PLD5: variants seen among roughly 807,000 people sequenced by gnomAD.
The protein encoded by PLD5 is phospholipase D family member 5.
Under a neutral mutation model 61.1 loss-of-function variants are expected in PLD5, and 36 were observed. The observed-to-expected ratio is 0.59, with a 90% CI of 0.45 to 0.78. The LOEUF (loss-of-function observed/expected upper bound fraction) is 0.78. PLD5 is among the 30% of genes least tolerant of loss of function. PLD5 has a pLI of 0.00. For missense variants in PLD5, 515 were observed against 644.4 expected, an observed-to-expected ratio of 0.80 and a Z score of 2.17; for synonymous variants, 243 against 242.8, an observed-to-expected ratio of 1.00 and a Z score of -0.01.
chr1:242,174,670 T>A (rs1367975426), intron 5 of PLD5, among the ~76,000 whole-genome samples: 5 of 152,050 alleles, frequency 3.3e-5, no homozygotes, highest in African/African-American at 1.2e-4. Flanking sequence ...CAATGATAGA[T>A]TGGATTAAGA....
At chr1:242,157,545 G>A (rs1043821653) in intron 5 of PLD5, among the ~76,000 whole-genome samples, 2 of 152,090 alleles carry the variant, frequency 1.3e-5, no homozygotes, top group Admixed American at 6.6e-5. Context: ...TCTCTGAGTG[G>A]ACATGCTATT....
chr1:242,201,170 C>T lies in PLD5; in HGVS notation c.735+18818G>A, dbSNP rs149841203. 5.0e-4 allele frequency among the ~76,000 whole-genome samples: 76 copies of T among 152,166 alleles called. No homozygotes were observed. In the East Asian group the frequency reaches 0.013, roughly 26 times the overall value. The stretch of plus-strand genomic sequence containing the variant: ...GGGCTAAATTTCCATATACAGTTTG[C>T]GGAGGGAATTAAAGCTCCAGAAGAG... On this transcript the variant is annotated intron_variant, in intron 5 of 9. Coordinates refer to ENST00000536534, the MANE Select transcript of PLD5 (RefSeq NM_001372062.1).
At chr1:242,423,571 G>T (rs1665259541) in intron 1 of PLD5, among the ~76,000 whole-genome samples, 1 of 152,142 alleles carries the variant, frequency 6.6e-6, no homozygotes, top group Non-Finnish European at 1.5e-5. Context: ...AAGCGCTGAG[G>T]TAGGAGGATC....
chr1:242,154,930 C>T lies in PLD5; in HGVS notation c.736-30265G>A, dbSNP rs1665234048. ...GTTTCAGAAGGAATGGTACCAGCTC[C>T]TCTTTTTACCTCTGGTAGAATTCAC... On this transcript the variant is annotated intron_variant, in intron 5 of 9. Coordinates refer to ENST00000536534, the MANE Select transcript of PLD5 (RefSeq NM_001372062.1). Among the ~76,000 whole-genome samples, 2 of 152,228 alleles carry T rather than the reference C, an allele frequency of 1.3e-5. 1 individual carries two copies. Among genetic ancestry groups the T allele is most frequent in the South Asian group, 4.2e-4 (2 of 4,818 alleles).
intron 1 of PLD5, among the ~76,000 whole-genome samples, chr1:242,354,161 C>T (rs542330162): frequency 2.1e-3 from 324 of 152,120 alleles, no homozygotes; most frequent in African/African-American, 7.5e-3. Context: ...TCCCTAGCTG[C>T]CCTCCTTGCT....
At chr1:242,241,002 A>AT (rs1671965372) in intron 4 of PLD5, among the ~76,000 whole-genome samples, 1 of 152,228 alleles carries the variant, frequency 6.6e-6, no homozygotes, top group Non-Finnish European at 1.5e-5. Flanking sequence ...TTAGATAAAC[A>AT]TGATTGGCAG....
rs1351916805 is a variant in PLD5 at position 242,256,061 on chromosome 1, C to T, written c.607+9276G>A. Among the ~76,000 whole-genome samples, 1 of 152,142 alleles carries T rather than the reference C, an allele frequency of 6.6e-6. No individual in the cohort carries two copies. Among genetic ancestry groups the T allele is most frequent in the Non-Finnish European group, 1.5e-5 (1 of 68,040 alleles). On this transcript the variant is annotated intron_variant, in intron 4 of 9. Transcript: ENST00000536534. The surrounding 1 kb of genome is among the most constrained non-coding windows in gnomAD (Gnocchi z 5.7). ...TGGTTATTCACTAATATGGGTAAGG[C>T]TCTGTCTAATTGGCTCACTTACTTG...
chr1:242,110,088 TTATATTATTA>T (rs1355751336), intron 7 of PLD5, among the ~76,000 whole-genome samples: 3 of 136,798 alleles, frequency 2.2e-5, no homozygotes, highest in Non-Finnish European at 3.2e-5. Flanking sequence ...ATTATTATTA[TTATATTATTA>T]TATTATCATA....
intron 1 of PLD5, among the ~76,000 whole-genome samples, chr1:242,434,647 T>C (rs1219737469): frequency 7.2e-5 from 11 of 152,176 alleles, no homozygotes. Context: ...GGAGTCTCAC[T>C]GTGTCACCCA....
chr1:242,224,842 A>G (rs1393674175), intron 4 of PLD5, among the ~76,000 whole-genome samples: 1 of 152,196 alleles, frequency 6.6e-6, no homozygotes, highest in African/African-American at 2.4e-5. Flanking sequence ...ATTAAGGTAC[A>G]ATTTACTTGT....
intron 1 of PLD5, among the ~76,000 whole-genome samples, chr1:242,377,637 G>GA (rs1192409334): frequency 6.6e-6 from 1 of 151,714 alleles, no homozygotes; most frequent in Admixed American, 6.6e-5. Context: ...GCTCATGGGG[G>GA]AAAAAAGCAG....
chr1:242,102,708 C>T (rs1660775796), intron 8 of PLD5, among the ~76,000 whole-genome samples: 1 of 152,180 alleles, frequency 6.6e-6, no homozygotes, highest in African/African-American at 2.4e-5. Flanking sequence ...CCTCACTTTT[C>T]TTGTAAGAGT....
intron 4 of PLD5, among the ~76,000 whole-genome samples, chr1:242,253,538 C>T (rs990810047): frequency 3.9e-5 from 6 of 151,916 alleles, no homozygotes; most frequent in African/African-American, 1.5e-4. Context: ...TGGTCTCGAT[C>T]TCCTGACCTC....
intron 5 of PLD5, among the ~76,000 whole-genome samples, chr1:242,130,478 G>T (rs1291665684): frequency 6.6e-6 from 1 of 152,206 alleles, no homozygotes; most frequent in Non-Finnish European, 1.5e-5. Context: ...TAGTGGGATT[G>T]CTGGATCGAA....
chr1:242,440,364 T>C (rs1666215443), intron 1 of PLD5, among the ~76,000 whole-genome samples: 1 of 152,134 alleles, frequency 6.6e-6, no homozygotes, highest in African/African-American at 2.4e-5. Flanking sequence ...TTGTTCTGAG[T>C]TGTGGGGTTG....
chr1:242,113,323 G>C (rs1158089432), intron 7 of PLD5, among the ~76,000 whole-genome samples: 1 of 152,032 alleles, frequency 6.6e-6, no homozygotes, highest in African/African-American at 2.4e-5. Context: ...TCGATCTCCT[G>C]ACCTCGTGAT....
At position 242,359,409 on chromosome 1, in the gene PLD5, C is replaced by G. The variant is rs528827537; in HGVS notation, c.190-11167G>C. On this transcript the variant is annotated intron_variant, in intron 1 of 9. Coordinates refer to ENST00000536534, the MANE Select transcript of PLD5 (RefSeq NM_001372062.1). Reference sequence around the variant, plus strand: ...AAGCAAGACTGTTTCTTTCAGCTTTCAATGGGGAATTTTATTTAGTTCCAT... The same window carrying G: ...AAGCAAGACTGTTTCTTTCAGCTTTGAATGGGGAATTTTATTTAGTTCCAT... 2.1e-4 allele frequency among the ~76,000 whole-genome samples: 32 copies of G among 152,236 alleles called. No individual in the cohort carries two copies. The East Asian group carries it at 6.0e-3, about 28-fold the overall frequency.
chr1:242,270,545 T>TTA (rs1382392198), intron 3 of PLD5, among the ~76,000 whole-genome samples: 1 of 152,150 alleles, frequency 6.6e-6, no homozygotes, highest in Non-Finnish European at 1.5e-5. Context: ...TTAAAGAAAG[T>TTA]TACTCCCCAG....
intron 1 of PLD5, among the ~76,000 whole-genome samples, chr1:242,395,062 T>TATATATGAATATATGA (rs1491570193): frequency 1.5e-4 from 9 of 58,428 alleles, no homozygotes; most frequent in East Asian, 4.2e-4. Context: ...AATATATATG[T>TATATATGAATATATGA]ATATATATGA....
Sources: gnomAD v4.1 joint callset for allele counts (sites outside exome capture counted in the v4.1 genomes callset) on GRCh38, gnomAD v4.1.1 for gene constraint, Gnocchi (gnomAD v3.1) non-coding constraint, MANE v1.5 for transcripts, NCBI Gene and HGNC (gene_info 2026-07-23, HGNC 2026-07-21) for gene names.